Variants in EPHA4 observed in about 807,000 individuals in gnomAD.
EPHA4 encodes EPH receptor A4.
A neutral mutation model predicts 108.3 loss-of-function variants in EPHA4; 19 were observed. The ratio of observed to expected loss-of-function variants is 0.18; its 90% CI spans 0.12 to 0.26. The LOEUF is 0.26. Among genes scored for constraint, EPHA4 ranks in the 10% least tolerant of loss-of-function variants. EPHA4 has a pLI of 1.00. For missense variants in EPHA4, 917 were observed against 1,254.0 expected (o/e 0.73, Z 4.06); for synonymous variants, 449 against 455.5 (o/e 0.99, Z 0.18).
intron 3 of EPHA4, among the ~76,000 whole-genome samples, chr2:221,522,507 C>T (rs1280677217): frequency 6.6e-6 from 1 of 152,152 alleles, no homozygotes; most frequent in Non-Finnish European, 1.5e-5. Flanking sequence ...CGACACCACT[C>T]ATTATTACAG....
At chr2:221,547,675 A>G (rs1694039286) in intron 3 of EPHA4, among the ~76,000 whole-genome samples, 2 of 152,200 alleles carry the variant, frequency 1.3e-5, no homozygotes, top group South Asian at 2.1e-4. Flanking sequence ...GGCATTTTTA[A>G]ATACTCTTCT....
chr2:221,497,661 G>A (rs1037606015), intron 4 of EPHA4, among the ~76,000 whole-genome samples: 17 of 151,096 alleles, frequency 1.1e-4, no homozygotes, highest in East Asian at 2.0e-4. Flanking sequence ...TCACAAACCC[G>A]GGAGGTGGAG....
chr2:221,519,185 C>A (rs770040626), intron 3 of EPHA4, among the ~76,000 whole-genome samples: 1 of 152,138 alleles, frequency 6.6e-6, no homozygotes, highest in Non-Finnish European at 1.5e-5. Context: ...AACCAAAAAA[C>A]AGTGCAGTGC....
intron 4 of EPHA4, among the ~76,000 whole-genome samples, chr2:221,489,669 A>G (rs1692082763): frequency 6.6e-6 from 1 of 152,190 alleles, no homozygotes; most frequent in South Asian, 2.1e-4. Flanking sequence ...TTATATTCCC[A>G]TTAGAACATA....
chr2:221,481,961 C>T (rs1339127950), intron 5 of EPHA4, among the ~76,000 whole-genome samples: 1 of 152,194 alleles, frequency 6.6e-6, no homozygotes, highest in Non-Finnish European at 1.5e-5. Flanking sequence ...TCCCATCCAG[C>T]ATGGAGTGAC....
At chr2:221,531,091 C>A (rs555818155) in intron 3 of EPHA4, among the ~76,000 whole-genome samples, 1 of 152,126 alleles carries the variant, frequency 6.6e-6, no homozygotes, top group East Asian at 1.9e-4. Flanking sequence ...CAAACAAATA[C>A]GCTCTAAGAC....
intron 3 of EPHA4, among the ~76,000 whole-genome samples, chr2:221,522,582 C>T (rs1693195378): frequency 6.6e-6 from 1 of 152,168 alleles, no homozygotes; most frequent in Admixed American, 6.5e-5. Context: ...TAAATTCCCA[C>T]TCTCACCCCA....
chr2:221,451,878 G>T (rs1184315037), intron 8 of EPHA4, among the ~76,000 whole-genome samples: 2 of 152,046 alleles, frequency 1.3e-5, no homozygotes, highest in Non-Finnish European at 2.9e-5. Flanking sequence ...GTTCCATTTG[G>T]CCAAAAGAAA....
At chr2:221,509,979 G>T (rs2710503) in intron 3 of EPHA4, among the ~76,000 whole-genome samples, 1 of 151,988 alleles carries the variant, frequency 6.6e-6, no homozygotes, top group African/African-American at 2.4e-5. Flanking sequence ...GGGCTGAAAT[G>T]ATGATGAAAT....
chr2:221,436,363 C>T, intron 13 of EPHA4, 36 bp downstream of exon 13: 1 of 1,587,128 alleles, frequency 6.3e-7, no homozygotes, highest in East Asian at 2.2e-5. Flanking sequence ...ACAGTTTCAC[C>T]AGAGTGAAAG....
intron 17 of EPHA4, among the ~76,000 whole-genome samples, chr2:221,421,032 C>T (rs1689744742): frequency 6.6e-6 from 1 of 152,200 alleles, no homozygotes; most frequent in African/African-American, 2.4e-5. Context: ...GGCGCGGTGG[C>T]TCACGCCTGT....
intron 4 of EPHA4, among the ~76,000 whole-genome samples, chr2:221,498,499 G>T (rs182552811): frequency 1.1e-3 from 171 of 152,256 alleles, no homozygotes; most frequent in Admixed American, 2.7e-3. Context: ...AAAAGAAAAA[G>T]GTTGGGACTG....
At chr2:221,472,132 T>C (rs1433048338) in intron 5 of EPHA4, among the ~76,000 whole-genome samples, 1 of 152,108 alleles carries the variant, frequency 6.6e-6, no homozygotes, top group African/African-American at 2.4e-5. Context: ...AAGAAGTCTT[T>C]AATTACACTT....
Position 221,430,096 on chromosome 2 carries a change from A to G in EPHA4, c.2552T>C (p.Ile851Thr), listed in dbSNP as rs764568007. Reference protein sequence around the residue: ...YRLPPPMDCPIALHQLMLDCW... With the variant: ...YRLPPPMDCPTALHQLMLDCW... ...GTCTAGCATCAGCTGGTGGAGCGCA[A>G]TGGGGCAGTCCATTGGAGGGGGTAA... is the stretch of plus-strand genomic sequence containing the variant. Residue 851 changes from isoleucine (I) to threonine (T), a missense_variant, in exon 15 of 18, where the codon ATT (isoleucine) becomes ACT (threonine). Ile to Thr is a moderately conservative substitution (Grantham distance 89). Around this residue, in one of 3 missense-constraint regions of EPHA4, gnomAD observed 133 missense variants for 132.8 expected, o/e 1.00. Transcript: ENST00000281821. 25 of 1,613,344 alleles carry G rather than the reference A, an allele frequency of 1.5e-5. No individual in the cohort carries two copies. The highest frequency in any genetic ancestry group is 2.7e-5 in the African/African-American group (2 of 74,874).
rs771320258 is a variant in EPHA4 at position 221,572,137 on chromosome 2, G to A, written c.91+21C>T. Reference sequence around the variant, plus strand: ...TGGCCCCTCGCTGTCCCCGACCACAGAAAGGCCGTCCCGCTCTTACCTTCA... The same window carrying A: ...TGGCCCCTCGCTGTCCCCGACCACAAAAAGGCCGTCCCGCTCTTACCTTCA... On this transcript the variant is annotated intron_variant, in intron 1 of 17. Transcript: ENST00000281821. 1.2e-5 allele frequency: 20 copies of A among 1,608,748 alleles called. No individual in the cohort carries two copies. In the Admixed American group the frequency reaches 3.0e-4, roughly 24 times the overall value.
At chr2:221,432,958 G>A (rs896432331) in intron 14 of EPHA4, among the ~76,000 whole-genome samples, 18 of 151,090 alleles carry the variant, frequency 1.2e-4, no homozygotes, top group African/African-American at 4.4e-4. Context: ...CTGAGTAGCT[G>A]GGATTCCAGG....
At chr2:221,467,919 A>G (rs1691359882) in intron 5 of EPHA4, among the ~76,000 whole-genome samples, 1 of 152,356 alleles carries the variant, frequency 6.6e-6, no homozygotes, top group East Asian at 1.9e-4. Context: ...TGAGGCAAAC[A>G]GGAAAACAAG....
chr2:221,433,426 C>T (rs2106095881), intron 14 of EPHA4, among the ~76,000 whole-genome samples: 1 of 152,266 alleles, frequency 6.6e-6, no homozygotes, highest in South Asian at 2.1e-4. Context: ...CCAATCTTAC[C>T]AGAACTAATG....
rs1689866436 is a variant in EPHA4, at chr2:221,425,336, G to A, written c.*692C>T. On this transcript the variant is annotated 3_prime_UTR_variant, in exon 17 of 18. Transcript: ENST00000281821. Reference sequence around the variant, plus strand: ...AAAGTCCCAAAATAAGACTTTATATGGCACAGCCTCAGGCCCAAAGAAACA... The same window carrying A: ...AAAGTCCCAAAATAAGACTTTATATAGCACAGCCTCAGGCCCAAAGAAACA... 1 of 152,384 alleles carries A rather than the reference G, an allele frequency of 6.6e-6. No individual in the cohort carries two copies. Among genetic ancestry groups the A allele is most frequent in the East Asian group, 1.9e-4 (1 of 5,158 alleles). 9.4% of individuals were successfully genotyped at this position (152,384 alleles called of 1,614,324 possible).
Sources: allele counts gnomAD v4.1 joint callset (sites outside exome capture counted in the v4.1 genomes callset), GRCh38; gene constraint gnomAD v4.1.1; regional missense constraint gnomAD v4.1.1; transcripts MANE v1.5; gene names NCBI Gene and HGNC (gene_info 2026-07-23, HGNC 2026-07-21).